The following VGLL3 variants were observed in gnomAD, a reference collection of about 807,000 sequenced individuals.
VGLL3 encodes transcription cofactor vestigial-like protein 3.
VGLL3 carries 18 observed loss-of-function variants against 29.2 expected under a neutral mutation model. The observed-to-expected ratio is 0.62, with a 90% CI of 0.43 to 0.91. The LOEUF (loss-of-function observed/expected upper bound fraction) is 0.91, where lower values mean the gene tolerates loss of function less well. Ranked by LOEUF, VGLL3 falls within the 40% of genes least tolerant of loss-of-function variation. VGLL3 has a pLI of 0.00. For synonymous variants in VGLL3, 180 were observed against 151.8 expected (o/e 1.19, Z -1.36); for missense variants, 440 against 413.2 (o/e 1.06, Z -0.56).
chr3:86,952,162 T>C (rs1704630578), intron 3 of VGLL3, among the ~76,000 whole-genome samples: 1 of 152,154 alleles, frequency 6.6e-6, no homozygotes, highest in Admixed American at 6.6e-5. Context: ...TGAGAAGACC[T>C]TTCAACTCAA....
At chr3:86,974,777 G>A (rs953462136) in intron 2 of VGLL3, among the ~76,000 whole-genome samples, 7 of 152,090 alleles carry the variant, frequency 4.6e-5, no homozygotes, top group East Asian at 3.9e-4. Context: ...TTTAATACTC[G>A]GTCAGCAGTT....
chr3:86,970,184 A>T (rs1705064700), intron 2 of VGLL3, among the ~76,000 whole-genome samples: 2 of 152,204 alleles, frequency 1.3e-5, no homozygotes, highest in South Asian at 4.1e-4. Context: ...TCATCAGTTC[A>T]ATTTCCTACT....
At chr3:86,964,767 A>G (rs1035793348) in intron 3 of VGLL3, among the ~76,000 whole-genome samples, 1 of 152,198 alleles carries the variant, frequency 6.6e-6, no homozygotes, top group Non-Finnish European at 1.5e-5. Context: ...CTTCAAAACT[A>G]TGACAGTAAA....
intron 3 of VGLL3, among the ~76,000 whole-genome samples, chr3:86,960,764 G>C (rs1704820650): frequency 6.6e-6 from 1 of 151,776 alleles, no homozygotes; most frequent in African/African-American, 2.4e-5. Context: ...ACAGTTTGGG[G>C]CCAGCTCATA....
intron 3 of VGLL3, chr3:86,962,896 G>A (rs1353939185): frequency 6.9e-6 from 1 of 144,590 alleles, no homozygotes. Context: ...AAATAGGGAA[G>A]CCAGCCTTCA....
In VGLL3 at chr3:86,978,617, T is replaced by C. The variant is rs1161272023; in HGVS notation, c.312A>G (p.Glu104=). 1 of 1,614,160 alleles carries C rather than the reference T, an allele frequency of 6.2e-7. No individual in the cohort carries two copies. Among genetic ancestry groups the C allele is most frequent in the Non-Finnish European group, 8.5e-7 (1 of 1,180,022 alleles). The stretch of plus-strand genomic sequence containing the variant: ...CTTGGCCCAAAGCTCTTGAGAAGTG[T>C]TCATCCACTACTGACCCAATGTCTC... The part of the protein sequence containing the change: ...FQGDIGSVVD[E]HFSRALGQAI... Residue 104 remains glutamate, a synonymous_variant, in exon 2 of 4, where the codon GAA becomes GAG. Transcript: ENST00000398399.
At chr3:86,973,747 T>C (rs1705153075) in intron 2 of VGLL3, among the ~76,000 whole-genome samples, 1 of 152,198 alleles carries the variant, frequency 6.6e-6, no homozygotes, top group Non-Finnish European at 1.5e-5. Flanking sequence ...ATTTGACTAT[T>C]TAGGTTTCGT....
chr3:86,980,911 C>T (rs747330289), intron 1 of VGLL3, among the ~76,000 whole-genome samples: 2 of 151,206 alleles, frequency 1.3e-5, no homozygotes, highest in African/African-American at 2.4e-5. Context: ...CATTCTTATC[C>T]GTGAAACTAA....
chr3:86,975,044 C>T (rs1213396852), intron 2 of VGLL3, among the ~76,000 whole-genome samples: 1 of 152,144 alleles, frequency 6.6e-6, no homozygotes, highest in Non-Finnish European at 1.5e-5. Flanking sequence ...ATTTAAAAAT[C>T]TTTACAATAA....
In VGLL3 at chr3:86,943,321, G is replaced by C. The variant is rs536164466; in HGVS notation, c.*3703C>G. The C allele has an allele frequency of 2.6e-5, 4 of 152,188 alleles. No individual in the cohort carries two copies. In the South Asian group the frequency reaches 6.2e-4, roughly 24 times the overall value. The allele number at this position is 152,188 out of a possible 1,614,324, so 9.4% of individuals were successfully genotyped here. ...GACACTCAGTAAGGAATAGAATACAGGTTCTTGAAACAGTTTCTGATTTCC... is the reference window on the plus strand; with the variant it reads ...GACACTCAGTAAGGAATAGAATACACGTTCTTGAAACAGTTTCTGATTTCC... On this transcript the variant is annotated 3_prime_UTR_variant, in exon 4 of 4. Transcript: ENST00000398399.
At chr3:86,969,854 G>A (rs1705055451) in intron 2 of VGLL3, among the ~76,000 whole-genome samples, 1 of 152,028 alleles carries the variant, frequency 6.6e-6, no homozygotes, top group Non-Finnish European at 1.5e-5. Flanking sequence ...AGGCCTATGG[G>A]GTAGTTATTG....
intron 1 of VGLL3, among the ~76,000 whole-genome samples, chr3:86,988,285 C>G (rs1705493297): frequency 6.6e-6 from 1 of 151,966 alleles, no homozygotes; most frequent in African/African-American, 2.4e-5. Context: ...GGAGTTGTAG[C>G]CCTTACTTTT....
rs1232792175 is a variant in VGLL3, at chr3:86,943,372, A to G, written c.*3652T>C. On this transcript the variant is annotated 3_prime_UTR_variant, in exon 4 of 4. Transcript: ENST00000398399. ...ACTTTAAATTATAAATACAACATTA[A>G]ACCAGATAGCAAACTCAAAAGCTAG... The G allele has an allele frequency of 6.6e-6, 1 of 152,176 alleles. No individual in the cohort carries two copies. Among genetic ancestry groups the G allele is most frequent in the East Asian group, 1.9e-4 (1 of 5,196 alleles). 9.4% of individuals were successfully genotyped at this position (152,176 alleles called of 1,614,324 possible).
chr3:86,979,136 T>C (rs1423479743), intron 1 of VGLL3, among the ~76,000 whole-genome samples: 1 of 152,238 alleles, frequency 6.6e-6, no homozygotes, highest in South Asian at 2.1e-4. Context: ...AACAGGAGAA[T>C]TACTTTTTTA....
chr3:86,946,699 C>A lies in VGLL3; in HGVS notation c.*325G>T, dbSNP rs755799425. On this transcript the variant is annotated 3_prime_UTR_variant, in exon 4 of 4. Transcript: ENST00000398399. ...ATTTTAATGTGTGGTTCATCCTTTCCTGACAAGGTGGTTGGCTAAAAAAAA... is the reference window on the plus strand; with the variant it reads ...ATTTTAATGTGTGGTTCATCCTTTCATGACAAGGTGGTTGGCTAAAAAAAA... 1 of 211,824 alleles carries A rather than the reference C, an allele frequency of 4.7e-6. No homozygotes were observed. Among genetic ancestry groups the A allele is most frequent in the Non-Finnish European group, 9.3e-6 (1 of 107,418 alleles). The allele number at this position is 211,824 out of a possible 1,614,324, so 13.1% of individuals were successfully genotyped here.
Position 86,946,264 on chromosome 3 carries a change from AT to A in VGLL3, c.*759del, listed in dbSNP as rs565765543. The A allele has an allele frequency of 1.6e-4, 25 of 152,184 alleles. No individual in the cohort carries two copies. The highest frequency in any genetic ancestry group is 3.9e-4 in the Admixed American group (6 of 15,288). The allele number at this position is 152,184 out of a possible 1,614,324, so 9.4% of individuals were successfully genotyped here. A position where few individuals can be genotyped will look rare whatever the true frequency, so the allele number is the denominator to read the frequency against. On this transcript the variant is annotated 3_prime_UTR_variant, in exon 4 of 4. Coordinates refer to ENST00000398399, the MANE Select transcript of VGLL3 (RefSeq NM_016206.4). ...GGAGAAATCAAAGCAATAAAATATC[AT>A]TTCTTTAGCACAGTCATTAAAAAAA...
intron 3 of VGLL3, among the ~76,000 whole-genome samples, chr3:86,965,353 C>T (rs955008246): frequency 1.3e-5 from 2 of 152,090 alleles, no homozygotes; most frequent in African/African-American, 4.8e-5. Context: ...CACCCAATAT[C>T]GATGCTGAGT....
intron 1 of VGLL3, among the ~76,000 whole-genome samples, chr3:86,981,901 T>C (rs1003485362): frequency 6.6e-6 from 1 of 152,062 alleles, no homozygotes; most frequent in Non-Finnish European, 1.5e-5. Context: ...ACAGTACTGG[T>C]TAAAATAAGA....
intron 3 of VGLL3, among the ~76,000 whole-genome samples, chr3:86,956,740 G>C (rs1435001846): frequency 6.8e-6 from 1 of 146,480 alleles, no homozygotes; most frequent in Non-Finnish European, 1.5e-5. Flanking sequence ...AGCCGAGATC[G>C]CGCCACTGCA....
Sources: allele counts gnomAD v4.1 joint callset (sites outside exome capture counted in the v4.1 genomes callset), GRCh38; gene constraint gnomAD v4.1.1; transcripts MANE v1.5; gene names NCBI Gene and HGNC (gene_info 2026-07-23, HGNC 2026-07-21).